Variants in ZNF239 observed in about 807,000 individuals in gnomAD.
ZNF239 encodes zinc finger protein 239, also known as zinc finger protein (C2H2) homologous to mouse MOK-2.
A neutral mutation model predicts 27.5 loss-of-function variants in ZNF239; 16 were observed. The observed-to-expected ratio is 0.58, with a 90% CI of 0.39 to 0.88. The LOEUF (loss-of-function observed/expected upper bound fraction) is 0.88. Ranked by LOEUF, ZNF239 falls within the 40% of genes least tolerant of loss-of-function variation. The probability of loss-of-function intolerance (pLI) is 0.00; values close to 1 mark genes in which losing one functional copy is unlikely to be tolerated. For synonymous variants in ZNF239, 199 were observed against 192.6 expected, an observed-to-expected ratio of 1.03 and a Z score of -0.27; for missense variants, 527 against 551.9, an observed-to-expected ratio of 0.95 and a Z score of 0.45.
At position 43,556,815 on chromosome 10, in the gene ZNF239, T is replaced by C; in HGVS notation, c.1265A>G (p.Gln422Arg). The C allele has an allele frequency of 6.2e-7, 1 of 1,613,786 alleles. No individual in the cohort carries two copies. Among genetic ancestry groups the C allele is most frequent in the South Asian group, 1.1e-5 (1 of 91,060 alleles). The stretch of plus-strand genomic sequence containing the variant: ...GGGCTTCTCTCCAGTATGTACTCTC[T>C]GGTGGATGAGGAGTTTGGAACTCTG... ...FSQSSKLLIH[Q>R]RVHTGEKPYE... The change falls in exon 4 of 4, where the codon CAG becomes CGG. Residue 422 changes from glutamine to arginine, a missense_variant. Transcript: ENST00000374446.
intron 3 of ZNF239, among the ~76,000 whole-genome samples, chr10:43,563,908 C>A (rs1321900221): frequency 6.6e-6 from 1 of 152,172 alleles, no homozygotes; most frequent in Non-Finnish European, 1.5e-5. Context: ...ATTCTCCCAC[C>A]TCAGCCTCCC....
intron 3 of ZNF239, among the ~76,000 whole-genome samples, chr10:43,559,326 T>C (rs1476286442): frequency 6.6e-6 from 1 of 152,108 alleles, no homozygotes; most frequent in African/African-American, 2.4e-5. Flanking sequence ...ACGGCTGCCA[T>C]AGCAAATCAG....
chr10:43,566,009 A>T (rs1490325288), intron 3 of ZNF239, among the ~76,000 whole-genome samples: 1 of 152,168 alleles, frequency 6.6e-6, no homozygotes. Flanking sequence ...TAAAAATTAA[A>T]AAAGGAACAA....
Position 43,556,886 on chromosome 10 carries a change from A to G in ZNF239, c.1194T>C (p.Thr398=), listed in dbSNP as rs1202289258. The change falls in exon 4 of 4, where the codon ACT becomes ACC. Residue 398 remains threonine, a synonymous_variant. Transcript: ENST00000374446. ...TGCCACAGTGATAGGGCTTCTCTCC[A>G]GTGTGGACTCTGAGATGGATGCGAA... ...SDLRIHLRVH[T]GEKPYHCGKC... 1 of 1,607,506 alleles carries G rather than the reference A, an allele frequency of 6.2e-7. No homozygotes were observed. Among genetic ancestry groups the G allele is most frequent in the Admixed American group, 1.7e-5 (1 of 59,346 alleles).
At chr10:43,568,352 T>G in intron 2 of ZNF239, 1 of 985,402 alleles carries the variant, frequency 1.0e-6, no homozygotes, top group Non-Finnish European at 1.2e-6. Flanking sequence ...ACCTTAACAC[T>G]CGCAGGAACA....
At chr10:43,558,479 C>T (rs1588782883) in intron 3 of ZNF239, among the ~76,000 whole-genome samples, 1 of 151,812 alleles carries the variant, frequency 6.6e-6, no homozygotes, top group Middle Eastern at 3.4e-3. Flanking sequence ...GACAGAGTTT[C>T]ACTCTGCTGC....
At chr10:43,572,654 C>T (rs988892097) in intron 2 of ZNF239, among the ~76,000 whole-genome samples, 9 of 152,218 alleles carry the variant, frequency 5.9e-5, no homozygotes, top group Non-Finnish European at 2.9e-5. Context: ...AGTTAGAGCT[C>T]TCCACCATAA....
rs913452883 is a variant in ZNF239 at position 43,568,447 on chromosome 10, T to C, written c.-215-426A>G. On this transcript the variant is annotated intron_variant, in intron 2 of 3. Coordinates refer to ENST00000374446, the MANE Select transcript of ZNF239 (RefSeq NM_001099282.2). ...ACATTTCATCAAACTGTAATAACCA[T>C]AATCGGGACTAGTCCACTACCTGGA... 8 of 985,290 alleles carry C rather than the reference T, an allele frequency of 8.1e-6. No individual in the cohort carries two copies. The African/African-American group carries it at 1.2e-4, about 15-fold the overall frequency. The allele number at this position is 985,290 out of a possible 1,614,324, so 61.0% of individuals were successfully genotyped here.
intron 3 of ZNF239, among the ~76,000 whole-genome samples, chr10:43,566,105 A>G (rs1428412554): frequency 1.3e-5 from 2 of 152,160 alleles, no homozygotes; most frequent in East Asian, 3.9e-4. Flanking sequence ...GGTTTATATA[A>G]AGAACGTGGA....
At chr10:43,564,285 G>C (rs1323037492) in intron 3 of ZNF239, 9 of 983,896 alleles carry the variant, frequency 9.1e-6, no homozygotes, top group Non-Finnish European at 9.7e-6. Flanking sequence ...CTTACTGACC[G>C]TATAGTAACA....
At chr10:43,562,557 G>A (rs1260190624) in intron 3 of ZNF239, among the ~76,000 whole-genome samples, 1 of 152,160 alleles carries the variant, frequency 6.6e-6, no homozygotes, top group African/African-American at 2.4e-5. Context: ...TTACATGAGA[G>A]AGAAAAATAA....
At chr10:43,573,741 G>A (rs1180204483) in intron 1 of ZNF239, 64 bp from the exon 2 acceptor site, 3 of 796,198 alleles carry the variant, frequency 3.8e-6, no homozygotes, top group Non-Finnish European at 4.6e-6. Flanking sequence ...AGACTGCGGG[G>A]AAAAAGTTAC....
In ZNF239 at chr10:43,556,966, C is replaced by A. The variant is rs1564449829; in HGVS notation, c.1114G>T (p.Glu372Ter). The change falls in exon 4 of 4, where the codon GAG becomes TAG. Residue 372 changes from glutamate to a stop codon, truncating the protein, a stop_gained. Coordinates refer to ENST00000374446, the MANE Select transcript of ZNF239 (RefSeq NM_001099282.2). LOFTEE classifies it high-confidence loss of function. Reference sequence around the variant, plus strand: ...CACTCATAGCATTGGTAAGGCTTCTCTCCTGTGTGGATGCACCGGTGAATG... The same window carrying A: ...CACTCATAGCATTGGTAAGGCTTCTATCCTGTGTGGATGCACCGGTGAATG... ...LHIHRCIHTG[E>*]KPYQCYECGK... 13 of 1,614,058 alleles carry A rather than the reference C, an allele frequency of 8.1e-6. No homozygotes were observed. Among genetic ancestry groups the A allele is most frequent in the Non-Finnish European group, 1.1e-5 (13 of 1,179,990 alleles).
chr10:43,573,556 C>T, intron 2 of ZNF239, 81 bp downstream of exon 2: 2 of 887,456 alleles, frequency 2.3e-6, no homozygotes, highest in South Asian at 5.2e-5. Context: ...GTACTGGGGG[C>T]CTGACAATAA....
chr10:43,572,566 C>T (rs1026514244), intron 2 of ZNF239, among the ~76,000 whole-genome samples: 1 of 152,164 alleles, frequency 6.6e-6, no homozygotes, highest in African/African-American at 2.4e-5. Flanking sequence ...AGGAAGAAAA[C>T]ACGGGGTTTA....
intron 3 of ZNF239, among the ~76,000 whole-genome samples, chr10:43,565,671 C>T (rs1032838812): frequency 3.0e-4 from 45 of 151,584 alleles, no homozygotes; most frequent in East Asian, 2.1e-3. Context: ...AAACATTAGC[C>T]GGGCATGGTG....
In ZNF239 at chr10:43,556,776, T is replaced by C. The variant is rs564711184; in HGVS notation, c.1304A>G (p.Lys435Arg). The C allele has an allele frequency of 4.3e-5, 70 of 1,614,056 alleles. No homozygotes were observed. The East Asian group carries it at 1.5e-3, about 35-fold the overall frequency. The change falls in exon 4 of 4, where the codon AAG becomes AGG. Residue 435 changes from lysine (K) to arginine (R), a missense_variant. Coordinates refer to ENST00000374446, the MANE Select transcript of ZNF239 (RefSeq NM_001099282.2). ...HTGEKPYECS[K>R]CGKGFSQSSN... ...GCTCTGGCTGAAGCCCTTCCCACAC[T>C]TGCTGCACTCATAGGGCTTCTCTCC...
rs779960602 is a variant in ZNF239 at position 43,557,265 on chromosome 10, A to G, written c.815T>C (p.Phe272Ser). 1 of 1,614,074 alleles carries G rather than the reference A, an allele frequency of 6.2e-7. No homozygotes were observed. The highest frequency in any genetic ancestry group is 8.5e-7 in the Non-Finnish European group (1 of 1,179,996). The part of the protein sequence containing the change: ...PYKCDKCGKG[F>S]TRSSSLLIHH... ...GATGAGCAGACTTGAGCTCCTGGTG[A>G]AGCCCTTCCCACACTTGTCACACTT... Residue 272 changes from phenylalanine to serine, a missense_variant, in exon 4 of 4, where the codon TTC (phenylalanine) becomes TCC (serine). Physicochemically the swap from Phe to Ser is radical, Grantham distance 155 (BLOSUM62 -2). Coordinates refer to ENST00000374446, the MANE Select transcript of ZNF239 (RefSeq NM_001099282.2).
rs917027734 is a variant in ZNF239 at position 43,568,824 on chromosome 10, C to T, written c.-215-803G>A. Among the ~76,000 whole-genome samples, 17 of 152,118 alleles carry T rather than the reference C, an allele frequency of 1.1e-4. No homozygotes were observed. The East Asian group carries it at 1.4e-3, about 12-fold the overall frequency. On this transcript the variant is annotated intron_variant, in intron 2 of 3. Coordinates refer to ENST00000374446, the MANE Select transcript of ZNF239 (RefSeq NM_001099282.2). ...CAGCATTTGGGGAGGCCGAGGTGGG[C>T]GGATCACTTGAGGTCAGGAGTTCGA...
Sources: gnomAD v4.1 joint callset for allele counts (sites outside exome capture counted in the v4.1 genomes callset) on GRCh38, gnomAD v4.1.1 for gene constraint, MANE v1.5 for transcripts, NCBI Gene and HGNC (gene_info 2026-07-23, HGNC 2026-07-21) for gene names.